The following VTA1 variants were observed in gnomAD, a reference collection of about 807,000 sequenced individuals.
VTA1 encodes the protein vacuolar protein sorting-associated protein VTA1 homolog.
In VTA1, 24 loss-of-function variants were observed where a neutral mutation model predicts 36.9. The observed-to-expected ratio is 0.65, with a 90% confidence interval of 0.47 to 0.91. VTA1 has a LOEUF of 0.91. Ranked by LOEUF, VTA1 falls within the 40% of genes least tolerant of loss-of-function variation. VTA1 has a pLI of 0.00. For missense variants in VTA1, 393 were observed against 377.2 expected (o/e 1.04, Z -0.35); for synonymous variants, 142 against 130.2 (o/e 1.09, Z -0.62).
intron 6 of VTA1, among the ~76,000 whole-genome samples, chr6:142,202,459 G>T (rs1330833183): frequency 9.2e-5 from 14 of 151,908 alleles, no homozygotes; most frequent in Admixed American, 7.9e-4. Flanking sequence ...TGCTTTATAA[G>T]CTATGCATGC....
rs569687524 is a variant in VTA1 at position 142,187,903 on chromosome 6, A to G, written c.412-1523A>G. ...ACTTCGTGGATCTTTGCAAAAGGAT[A>G]CTTTCTTTCTTTTTTTTTTTTTTTT... On this transcript the variant is annotated intron_variant, in intron 4 of 7. Transcript: ENST00000367630. Among the ~76,000 whole-genome samples the G allele has an allele frequency of 3.4e-4, 47 of 137,606 alleles. 1 individual carries two copies. Among genetic ancestry groups the G allele is most frequent in the African/African-American group, 1.6e-4 (6 of 38,376 alleles). The allele number at this position is 137,606 out of a possible 152,430, so 90.3% of individuals were successfully genotyped here.
chr6:142,211,218 T>G (rs1775897057), intron 7 of VTA1, among the ~76,000 whole-genome samples: 1 of 152,130 alleles, frequency 6.6e-6, no homozygotes, highest in South Asian at 2.1e-4. Context: ...AATATACGTG[T>G]TTTTATTACC....
intron 1 of VTA1, among the ~76,000 whole-genome samples, chr6:142,152,221 TATA>T (rs1778582444): frequency 6.6e-6 from 1 of 152,164 alleles, no homozygotes; most frequent in African/African-American, 2.4e-5. Flanking sequence ...GATGAATCTT[TATA>T]ATATCTTTTT....
At chr6:142,164,637 G>A (rs1234291173) in intron 1 of VTA1, among the ~76,000 whole-genome samples, 3 of 152,098 alleles carry the variant, frequency 2.0e-5, no homozygotes, top group Non-Finnish European at 4.4e-5. Context: ...GTAATTCTGA[G>A]AGTAACAGAT....
At chr6:142,148,288 G>A (rs999275700) in intron 1 of VTA1, among the ~76,000 whole-genome samples, 3 of 152,128 alleles carry the variant, frequency 2.0e-5, no homozygotes, top group African/African-American at 7.2e-5. Context: ...TACTCCAAAT[G>A]TACCCTGTTT....
At chr6:142,152,107 C>T (rs1318263221) in intron 1 of VTA1, among the ~76,000 whole-genome samples, 5 of 141,704 alleles carry the variant, frequency 3.5e-5, no homozygotes, top group African/African-American at 9.9e-5. Context: ...TTTGTTATTA[C>T]TATTTTTTTT....
intron 5 of VTA1, among the ~76,000 whole-genome samples, chr6:142,192,597 T>C (rs1348988589): frequency 6.6e-6 from 1 of 152,056 alleles, no homozygotes; most frequent in Non-Finnish European, 1.5e-5. Context: ...CATTCTCTCA[T>C]TGATTCATAG....
At chr6:142,154,579 CTT>C (rs1453360369) in intron 1 of VTA1, among the ~76,000 whole-genome samples, 1 of 152,080 alleles carries the variant, frequency 6.6e-6, no homozygotes, top group African/African-American at 2.4e-5. Context: ...ATTTTACACT[CTT>C]ATTGGCAACA....
In VTA1 at chr6:142,189,467, C is replaced by A; in HGVS notation, c.453C>A (p.Tyr151Ter). 1 of 1,614,012 alleles carries A rather than the reference C, an allele frequency of 6.2e-7. No homozygotes were observed. The highest frequency in any genetic ancestry group is 8.5e-7 in the Non-Finnish European group (1 of 1,179,962). Residue 151 changes from tyrosine to a stop codon, truncating the protein, a stop_gained, in exon 5 of 8, where the codon TAC becomes TAA. Transcript: ENST00000367630. LOFTEE classifies it high-confidence loss of function. The part of the protein sequence containing the change: ...HRKYARWKAT[Y>*]IHNCLKNGET... ...AGTATGCCAGATGGAAGGCAACATA[C>A]ATCCATAATTGTTTAAAGAATGGGG...
chr6:142,167,344 A>G (rs1248173833), intron 2 of VTA1, among the ~76,000 whole-genome samples: 1 of 152,194 alleles, frequency 6.6e-6, no homozygotes. Flanking sequence ...TAACAAAGTC[A>G]GGGTACACTC....
At chr6:142,202,501 C>T (rs1394795897) in intron 6 of VTA1, among the ~76,000 whole-genome samples, 1 of 151,896 alleles carries the variant, frequency 6.6e-6, no homozygotes, top group Admixed American at 6.6e-5. Context: ...CCATTAAAAA[C>T]AGCAAGACAG....
chr6:142,167,151 CTAAT>C (rs1383818728), intron 2 of VTA1, among the ~76,000 whole-genome samples: 1 of 152,124 alleles, frequency 6.6e-6, no homozygotes, highest in Non-Finnish European at 1.5e-5. Context: ...TCGTAGGTGA[CTAAT>C]TAGTCACCTT....
At chr6:142,211,086 T>C (rs1466120122) in intron 7 of VTA1, among the ~76,000 whole-genome samples, 1 of 152,080 alleles carries the variant, frequency 6.6e-6, no homozygotes, top group Non-Finnish European at 1.5e-5. Context: ...ACATATCGTA[T>C]GTTCTCACTC....
At chr6:142,192,202 C>T (rs1775467858) in intron 5 of VTA1, among the ~76,000 whole-genome samples, 1 of 152,000 alleles carries the variant, frequency 6.6e-6, no homozygotes. Context: ...AACTGTACTT[C>T]GAGAACCCTT....
intron 1 of VTA1, among the ~76,000 whole-genome samples, chr6:142,153,441 T>C (rs564242465): frequency 5.9e-5 from 9 of 152,018 alleles, no homozygotes; most frequent in Non-Finnish European, 1.2e-4. Flanking sequence ...TAATGAATTT[T>C]AGATTGAGTC....
intron 5 of VTA1, among the ~76,000 whole-genome samples, chr6:142,194,358 T>A (rs1400577016): frequency 1.3e-5 from 2 of 152,166 alleles, no homozygotes; most frequent in African/African-American, 4.8e-5. Context: ...GTATTAAACT[T>A]AGGGAGAATT....
Position 142,203,962 on chromosome 6 carries a change from A to G in VTA1, c.698-23A>G, listed in dbSNP as rs374590852. The G allele has an allele frequency of 3.7e-6, 6 of 1,605,332 alleles. No homozygotes were observed. The East Asian group carries it at 6.7e-5, about 18-fold the overall frequency. ...TAAAAGGTGTAATACTTCTATGCCC[A>G]TTTTTGCTTTTCTGATTTGCAGGTG... On this transcript the variant is annotated intron_variant, in intron 6 of 7. Coordinates refer to ENST00000367630, the MANE Select transcript of VTA1 (RefSeq NM_016485.5).
chr6:142,156,481 A>G (rs545319626), intron 1 of VTA1, among the ~76,000 whole-genome samples: 1 of 152,298 alleles, frequency 6.6e-6, no homozygotes, highest in East Asian at 1.9e-4. Flanking sequence ...AAATATTTGA[A>G]TCTTTACTAA....
intron 6 of VTA1, among the ~76,000 whole-genome samples, chr6:142,203,532 T>G (rs1178465792): frequency 6.6e-6 from 1 of 152,110 alleles, no homozygotes; most frequent in Non-Finnish European, 1.5e-5. Context: ...GTTTATTGGA[T>G]AATTGTTTAT....
Sources: gnomAD v4.1 joint callset for allele counts (sites outside exome capture counted in the v4.1 genomes callset) on GRCh38, gnomAD v4.1.1 for gene constraint, MANE v1.5 for transcripts, NCBI Gene and HGNC (gene_info 2026-07-23, HGNC 2026-07-21) for gene names.